BBOX1: variants seen among roughly 807,000 people sequenced by gnomAD.
BBOX1 encodes the protein gamma-butyrobetaine hydroxylase 1, also known as gamma-butyrobetaine dioxygenase.
BBOX1 carries 35 observed loss-of-function variants against 41.6 expected under a neutral mutation model. That is an observed-to-expected ratio of 0.84 (90% CI 0.64 to 1.11). The LOEUF (loss-of-function observed/expected upper bound fraction) is 1.11. Among genes scored for constraint, BBOX1 ranks in the 50% most tolerant of loss-of-function variants. The pLI, the probability that BBOX1 is intolerant of heterozygous loss-of-function variation, is 0.00. For missense variants in BBOX1, 458 were observed against 460.6 expected, an observed-to-expected ratio of 0.99 and a Z score of 0.05; for synonymous variants, 163 against 154.7, an observed-to-expected ratio of 1.05 and a Z score of -0.40.
intron 2 of BBOX1, among the ~76,000 whole-genome samples, chr11:27,054,235 G>GTGTGTGTGTGTGTGTGCA (rs71047892): frequency 1.9e-5 from 2 of 103,314 alleles, no homozygotes; most frequent in Non-Finnish European, 2.4e-5. Context: ...GTGTGTGTGT[G>GTGTGTGTGTGTGTGTGCA]CGTGCACATG....
intron 4 of BBOX1, among the ~76,000 whole-genome samples, chr11:27,069,092 AT>A (rs947366718): frequency 1.0e-4 from 15 of 148,070 alleles, no homozygotes; most frequent in African/African-American, 2.7e-4. Flanking sequence ...GAATTTTGGG[AT>A]TTTTTTTTCT....
intron 5 of BBOX1, among the ~76,000 whole-genome samples, chr11:27,105,183 C>T (rs1198369785): frequency 1.3e-5 from 2 of 152,168 alleles, no homozygotes; most frequent in Non-Finnish European, 2.9e-5. Context: ...AATCAGAGCA[C>T]CTCTTCCCCT....
At chr11:27,085,222 G>C (rs1338087729) in intron 4 of BBOX1, among the ~76,000 whole-genome samples, 1 of 152,030 alleles carries the variant, frequency 6.6e-6, no homozygotes, top group Non-Finnish European at 1.5e-5. Flanking sequence ...ATTAGTACAG[G>C]CATACTTTGT....
chr11:27,114,494 T>C (rs1366000834), intron 5 of BBOX1, among the ~76,000 whole-genome samples: 1 of 151,842 alleles, frequency 6.6e-6, no homozygotes, highest in Non-Finnish European at 1.5e-5. Flanking sequence ...GATTTTGAAA[T>C]TTAACTACGA....
chr11:27,109,444 G>A (rs570527955), intron 5 of BBOX1, among the ~76,000 whole-genome samples: 30 of 152,114 alleles, frequency 2.0e-4, no homozygotes, highest in Admixed American at 5.2e-4. Flanking sequence ...AGCCAGTACC[G>A]TTTGAACCTA....
At chr11:27,051,537 A>G (rs1851669506) in intron 2 of BBOX1, among the ~76,000 whole-genome samples, 1 of 151,886 alleles carries the variant, frequency 6.6e-6, no homozygotes, top group African/African-American at 2.4e-5. Flanking sequence ...TCTATTCATG[A>G]TTCAGTCCTG....
At chr11:27,042,943 G>A (rs1403323189) in intron 2 of BBOX1, among the ~76,000 whole-genome samples, 1 of 152,110 alleles carries the variant, frequency 6.6e-6, no homozygotes, top group Non-Finnish European at 1.5e-5. Flanking sequence ...ATGTAGTTAA[G>A]CCTTCATGGT....
At chr11:27,103,430 A>G (rs192579971) in intron 5 of BBOX1, among the ~76,000 whole-genome samples, 5 of 152,220 alleles carry the variant, frequency 3.3e-5, no homozygotes, top group Admixed American at 2.0e-4. Flanking sequence ...CCTGTTAAGT[A>G]TATCTTAAGT....
intron 6 of BBOX1, among the ~76,000 whole-genome samples, chr11:27,115,946 A>C (rs2134095927): frequency 6.6e-6 from 1 of 152,092 alleles, no homozygotes; most frequent in African/African-American, 2.4e-5. Context: ...TTTCCCTCAA[A>C]GTCACATGGG....
At chr11:27,050,261 A>T (rs1399667097) in intron 2 of BBOX1, among the ~76,000 whole-genome samples, 1 of 152,050 alleles carries the variant, frequency 6.6e-6, no homozygotes, top group Admixed American at 6.6e-5. Context: ...ATAGTTTTGT[A>T]TGATATTTTG....
rs570066701 is a variant in BBOX1, at chr11:27,113,352, G to A, written c.534-2100G>A. Among the ~76,000 whole-genome samples, 50 of 151,884 alleles carry A rather than the reference G, an allele frequency of 3.3e-4. No individual in the cohort carries two copies. In the South Asian group the frequency reaches 9.7e-3, roughly 30 times the overall value. On this transcript the variant is annotated intron_variant, in intron 5 of 8. Transcript: ENST00000263182. Reference sequence around the variant, plus strand: ...TCTACTATAAAGAACATGTATGCACGCATATGTTCATCACAACACTATTCT... The same window carrying A: ...TCTACTATAAAGAACATGTATGCACACATATGTTCATCACAACACTATTCT...
intron 4 of BBOX1, among the ~76,000 whole-genome samples, chr11:27,070,039 G>A (rs911823722): frequency 6.6e-6 from 1 of 152,056 alleles, no homozygotes; most frequent in African/African-American, 2.4e-5. Flanking sequence ...TCATTTAAGA[G>A]AAGATTGTTT....
intron 3 of BBOX1, 22 bp downstream of exon 3, chr11:27,055,671 CT>C: frequency 1.3e-6 from 2 of 1,582,848 alleles, no homozygotes; most frequent in Middle Eastern, 1.7e-4. Context: ...TAAATTATGT[CT>C]CCCTTCTTTC....
chr11:27,121,961 G>A (rs1859480676), intron 7 of BBOX1, among the ~76,000 whole-genome samples: 1 of 152,076 alleles, frequency 6.6e-6, no homozygotes, highest in Non-Finnish European at 1.5e-5. Flanking sequence ...GGCCATGTGT[G>A]AGGTCTCAGG....
chr11:27,121,932 T>G (rs886805616), intron 7 of BBOX1, among the ~76,000 whole-genome samples: 1 of 152,176 alleles, frequency 6.6e-6, no homozygotes, highest in Non-Finnish European at 1.5e-5. Context: ...ATATTTTCTG[T>G]AGTAAAATTT....
At chr11:27,099,579 C>T (rs543972341) in intron 5 of BBOX1, among the ~76,000 whole-genome samples, 29 of 152,054 alleles carry the variant, frequency 1.9e-4, no homozygotes, top group African/African-American at 5.8e-4. Flanking sequence ...ACGCCCAAAA[C>T]GTTTAGGAAG....
Position 27,048,466 on chromosome 11 carries a change from G to GGT in BBOX1, c.-38-6902_-38-6901dup, listed in dbSNP as rs61210047. 4.6e-3 allele frequency among the ~76,000 whole-genome samples: 689 copies of GGT among 149,612 alleles called. 4 individuals are homozygous for GGT. The highest frequency in any genetic ancestry group is 0.012 in the East Asian group (61 of 5,056). On this transcript the variant is annotated intron_variant, in intron 2 of 8. Transcript: ENST00000263182. The stretch of plus-strand genomic sequence containing the variant: ...CTTTTTTAAGGTTGAATAATATTGA[G>GGT]GTGTGTGTGTGTGTGTGTGTGTGTG...
intron 2 of BBOX1, among the ~76,000 whole-genome samples, chr11:27,049,418 A>G (rs890491147): frequency 6.6e-6 from 1 of 151,772 alleles, no homozygotes; most frequent in African/African-American, 2.4e-5. Flanking sequence ...AAAATTTTTA[A>G]TTTTTTATTG....
chr11:27,061,614 G>T (rs937042428), intron 4 of BBOX1, among the ~76,000 whole-genome samples: 17 of 152,148 alleles, frequency 1.1e-4, no homozygotes, highest in African/African-American at 3.4e-4. Context: ...AGTCCCAGTA[G>T]TAATGTTTTC....
Sources: allele counts gnomAD v4.1 joint callset (sites outside exome capture counted in the v4.1 genomes callset), GRCh38; gene constraint gnomAD v4.1.1; transcripts MANE v1.5; gene names NCBI Gene and HGNC (gene_info 2026-07-23, HGNC 2026-07-21).